Variants in ADAMTSL3 observed in about 807,000 individuals in gnomAD.
ADAMTSL3 encodes ADAMTS-like protein 3.
ADAMTSL3 carries 128 observed loss-of-function variants against 201.7 expected under a neutral mutation model. The observed-to-expected ratio is 0.63, with a 90% CI of 0.55 to 0.73. The LOEUF is 0.73. Among genes scored for constraint, ADAMTSL3 ranks in the 30% least tolerant of loss-of-function variants. The probability of loss-of-function intolerance (pLI) is 0.00; values close to 1 mark genes in which losing one functional copy is unlikely to be tolerated. For synonymous variants in ADAMTSL3, 738 were observed against 748.4 expected (o/e 0.99, Z 0.23); for missense variants, 1,990 against 2,119.6 (o/e 0.94, Z 1.20).
intron 2 of ADAMTSL3, among the ~76,000 whole-genome samples, chr15:83,676,594 C>T (rs1180721503): frequency 1.3e-5 from 2 of 152,178 alleles, no homozygotes; most frequent in African/African-American, 4.8e-5. Context: ...AGGAGAATGG[C>T]GTGAACCCGG....
chr15:83,685,124 G>A (rs1410713891), intron 2 of ADAMTSL3, among the ~76,000 whole-genome samples: 1 of 151,978 alleles, frequency 6.6e-6, no homozygotes, highest in East Asian at 1.9e-4. Flanking sequence ...GTTTACTGGC[G>A]TTTGCCTTTC....
intron 3 of ADAMTSL3, among the ~76,000 whole-genome samples, chr15:83,721,636 C>G (rs1450670855): frequency 2.0e-5 from 3 of 152,124 alleles, no homozygotes; most frequent in African/African-American, 7.2e-5. Flanking sequence ...AAGGGGACCT[C>G]CAATTCTCTA....
At chr15:83,928,362 AAATAC>A (rs1349853712) in intron 17 of ADAMTSL3, among the ~76,000 whole-genome samples, 1 of 152,154 alleles carries the variant, frequency 6.6e-6, no homozygotes, top group Non-Finnish European at 1.5e-5. Context: ...AAAAAGAAGA[AAATAC>A]AACCCAATAT....
intron 21 of ADAMTSL3, among the ~76,000 whole-genome samples, chr15:83,988,392 A>G (rs1009120170): frequency 4.6e-5 from 7 of 152,212 alleles, no homozygotes; most frequent in Admixed American, 2.0e-4. Context: ...AAAATGTGGC[A>G]GATTAAGCAT....
chr15:83,801,829 G>A (rs1480323398), intron 4 of ADAMTSL3, among the ~76,000 whole-genome samples: 1 of 150,348 alleles, frequency 6.7e-6, no homozygotes, highest in African/African-American at 2.4e-5. Flanking sequence ...ATAATCAGCA[G>A]CATTGTAAAT....
rs2061049186 is a variant in ADAMTSL3, at chr15:83,654,493, G to A, written c.-34+217G>A. 2.0e-5 allele frequency among the ~76,000 whole-genome samples: 3 copies of A among 152,224 alleles called. No homozygotes were observed. Among genetic ancestry groups the A allele is most frequent in the African/African-American group, 4.8e-5 (2 of 41,570 alleles). ...GGCGCGCTTCGTGCCGTCCCGGAAGGTTCAGGGAGAGTCTTTCGGCGGCAG... is the reference window on the plus strand; with the variant it reads ...GGCGCGCTTCGTGCCGTCCCGGAAGATTCAGGGAGAGTCTTTCGGCGGCAG... On this transcript the variant is annotated intron_variant, in intron 1 of 29. Coordinates refer to ENST00000286744, the MANE Select transcript of ADAMTSL3 (RefSeq NM_207517.3). This position sits in a 1 kb window ranked among gnomAD's most constrained non-coding sequence, Gnocchi z 5.3.
intron 8 of ADAMTSL3, among the ~76,000 whole-genome samples, chr15:83,867,467 A>G (rs531640369): frequency 3.3e-5 from 5 of 152,368 alleles, no homozygotes; most frequent in African/African-American, 1.2e-4. Flanking sequence ...AAATGTGTTT[A>G]ACTAGCAGTA....
In ADAMTSL3 at chr15:83,808,668, TC is replaced by T. The variant is rs2063642361; in HGVS notation, c.363+3975del. 1.3e-5 allele frequency among the ~76,000 whole-genome samples: 2 copies of T among 152,142 alleles called. 1 individual carries two copies. The highest frequency in any genetic ancestry group is 4.1e-4 in the South Asian group (2 of 4,826). Reference sequence around the variant, plus strand: ...ATGAAATCAGTATATCACAGAGACATCCTCACTCACGTGTTTATTGTAGCAC... The same window carrying T: ...ATGAAATCAGTATATCACAGAGACATCTCACTCACGTGTTTATTGTAGCAC... On this transcript the variant is annotated intron_variant, in intron 5 of 29. Transcript: ENST00000286744.
chr15:83,668,862 A>G (rs547814126), intron 2 of ADAMTSL3, among the ~76,000 whole-genome samples: 1 of 152,296 alleles, frequency 6.6e-6, no homozygotes, highest in South Asian at 2.1e-4. Flanking sequence ...CCTTGGACCA[A>G]GAGACTAACC....
At chr15:83,991,276 G>A in intron 23 of ADAMTSL3, 62 bp downstream of exon 23, 1 of 1,606,134 alleles carries the variant, frequency 6.2e-7, no homozygotes, top group Middle Eastern at 1.7e-4. Context: ...CCATCCCAGT[G>A]TTGCCAGGAA....
At chr15:83,802,983 T>C (rs1374535769) in intron 4 of ADAMTSL3, among the ~76,000 whole-genome samples, 1 of 152,204 alleles carries the variant, frequency 6.6e-6, no homozygotes, top group East Asian at 1.9e-4. Context: ...GTGTATTTTG[T>C]CACAATTTTT....
At chr15:83,841,662 G>T (rs12917201) in intron 7 of ADAMTSL3, among the ~76,000 whole-genome samples, 2 of 151,898 alleles carry the variant, frequency 1.3e-5, no homozygotes, top group African/African-American at 2.4e-5. Flanking sequence ...ATACGGGAGG[G>T]GGGGCAGGAA....
chr15:83,849,656 C>G (rs958130650), intron 7 of ADAMTSL3, among the ~76,000 whole-genome samples: 11 of 152,174 alleles, frequency 7.2e-5, no homozygotes, highest in African/African-American at 2.7e-4. Flanking sequence ...AGGTCTACCT[C>G]CAGGCCAAGG....
rs183031338 is a variant in ADAMTSL3, at chr15:83,846,743, C to T, written c.727+8528C>T. On this transcript the variant is annotated intron_variant, in intron 7 of 29. Coordinates refer to ENST00000286744, the MANE Select transcript of ADAMTSL3 (RefSeq NM_207517.3). ...TGGTGCATGCCTTTGGTTAACGCCT[C>T]TGCTTTTCAGTGTCTGATGCCCCAC... 2.2e-4 allele frequency among the ~76,000 whole-genome samples: 33 copies of T among 152,342 alleles called. No homozygotes were observed. In the Middle Eastern group the frequency reaches 0.014, roughly 63 times the overall value.
intron 4 of ADAMTSL3, among the ~76,000 whole-genome samples, chr15:83,780,104 A>G (rs1188098612): frequency 6.6e-6 from 1 of 152,182 alleles, no homozygotes; most frequent in African/African-American, 2.4e-5. Flanking sequence ...TTGAGAGACA[A>G]AAAAACCATT....
At chr15:83,887,479 G>T (rs1458078828) in intron 10 of ADAMTSL3, among the ~76,000 whole-genome samples, 1 of 152,140 alleles carries the variant, frequency 6.6e-6, no homozygotes, top group Non-Finnish European at 1.5e-5. Flanking sequence ...CATTCATTCA[G>T]GTTATTTTCA....
chr15:83,938,631 CTTTT>C (rs201327533), intron 17 of ADAMTSL3, among the ~76,000 whole-genome samples: 1 of 151,364 alleles, frequency 6.6e-6, no homozygotes, highest in African/African-American at 2.4e-5. Context: ...AATCTCCTTA[CTTTT>C]TTTTTGTTTG....
intron 5 of ADAMTSL3, among the ~76,000 whole-genome samples, chr15:83,813,527 C>T (rs1372710939): frequency 1.3e-5 from 2 of 152,222 alleles, no homozygotes; most frequent in Non-Finnish European, 2.9e-5. Context: ...AGAAATTCCA[C>T]TCCTGGTGTG....
At chr15:83,986,186 T>C (rs1290029921) in intron 21 of ADAMTSL3, among the ~76,000 whole-genome samples, 1 of 152,188 alleles carries the variant, frequency 6.6e-6, no homozygotes, top group African/African-American at 2.4e-5. Flanking sequence ...TCATGGACTA[T>C]GCTTTGAAGA....
Sources: gnomAD v4.1 joint callset for allele counts (sites outside exome capture counted in the v4.1 genomes callset) on GRCh38, gnomAD v4.1.1 for gene constraint, Gnocchi (gnomAD v3.1) non-coding constraint, MANE v1.5 for transcripts, NCBI Gene and HGNC (gene_info 2026-07-23, HGNC 2026-07-21) for gene names.